Variants in MTERF4 observed in about 807,000 individuals in gnomAD.
MTERF4 encodes the protein transcription termination factor 4, mitochondrial.
Under a neutral mutation model 22.5 loss-of-function variants are expected in MTERF4, and 17 were observed. The ratio of observed to expected loss-of-function variants is 0.75; its 90% confidence interval spans 0.52 to 1.13. The LOEUF is 1.13. Among genes scored for constraint, MTERF4 ranks in the 50% most tolerant of loss-of-function variants. MTERF4 has a pLI of 0.00. For synonymous variants in MTERF4, 165 were observed against 175.3 expected (o/e 0.94, Z 0.47); for missense variants, 420 against 466.8 (o/e 0.90, Z 0.92).
intron 4 of MTERF4, chr2:241,081,645 A>G: frequency 6.6e-7 from 1 of 1,506,788 alleles, no homozygotes; most frequent in Non-Finnish European, 9.1e-7. Context: ...CTGGGGTTCC[A>G]GTGACTAACC....
the MTERF4 span, chr2:241,052,081 C>T: frequency 1.1e-5 from 18 of 1,613,884 alleles, no homozygotes; most frequent in South Asian, 4.4e-5. Context: ...GTCACAACGG[C>T]GGCACCTGCT....
chr2:241,043,407 G>A, the MTERF4 span, among the ~76,000 whole-genome samples: 3 of 152,070 alleles, frequency 2.0e-5, no homozygotes, highest in African/African-American at 7.2e-5. Flanking sequence ...TGTATTACCA[G>A]CAAAACTACA....
At chr2:241,065,250 G>A in the MTERF4 span, 1 of 1,599,210 alleles carries the variant, frequency 6.3e-7, no homozygotes. Context: ...GGCATGCATA[G>A]CTAACGGCTG....
At chr2:241,048,406 C>T in the MTERF4 span, 3 of 1,610,992 alleles carry the variant, frequency 1.9e-6, no homozygotes, top group Non-Finnish European at 2.5e-6. Flanking sequence ...TGTGCGAGTG[C>T]CCCGAAGGCT....
chr2:241,052,778 CTGGTGT>C, the MTERF4 span, among the ~76,000 whole-genome samples: 1 of 123,262 alleles, frequency 8.1e-6, no homozygotes, highest in Non-Finnish European at 1.6e-5. Context: ...ACATGGGATG[CTGGTGT>C]CAGGCAGGTA....
At chr2:241,071,714 C>T (rs534077572), downstream of MTERF4, 2 of 1,501,046 alleles carry the variant, frequency 1.3e-6, no homozygotes, top group African/African-American at 2.8e-5. Context: ...CCCACCCAGC[C>T]CCCCAGGTAC....
the MTERF4 span, among the ~76,000 whole-genome samples, chr2:241,056,681 C>T: frequency 1.1e-4 from 17 of 149,162 alleles, no homozygotes; most frequent in East Asian, 4.0e-4. Context: ...CCTGGGTTCA[C>T]GCCATTCTCC....
chr2:241,090,156 G>C (rs2063835388), downstream of MTERF4: 8 of 1,462,238 alleles, frequency 5.5e-6, no homozygotes, highest in Admixed American at 5.2e-5. Flanking sequence ...ACACTGTACG[G>C]ATGTTCAAAA....
Position 241,099,769 on chromosome 2 carries a change from T to C in MTERF4, c.147A>G (p.Gly49=). 3.1e-6 allele frequency: 5 copies of C among 1,614,150 alleles called. No individual in the cohort carries two copies. The highest frequency in any genetic ancestry group is 4.2e-6 in the Non-Finnish European group (5 of 1,180,028). The part of the protein sequence containing the change: ...LLRKLTTASN[G]GVIEELSCVR... ...CACAAGATAACTCCTCAATGACCCC[T>C]CCATTGGAGGCTGTAGTCAGTTTGC... Residue 49 remains glycine, a synonymous_variant, in exon 2 of 4, where the codon GGA becomes GGG. Coordinates refer to ENST00000391980, the MANE Select transcript of MTERF4 (RefSeq NM_182501.4).
chr2:241,061,097 A>G, the MTERF4 span, among the ~76,000 whole-genome samples: 2 of 152,208 alleles, frequency 1.3e-5, no homozygotes, highest in African/African-American at 4.8e-5. Context: ...CATAAACCTT[A>G]AGAAAGTGAA....
At chr2:241,064,662 G>A in the MTERF4 span, among the ~76,000 whole-genome samples, 7 of 152,184 alleles carry the variant, frequency 4.6e-5, no homozygotes, top group South Asian at 1.4e-3. This position sits in a 1 kb window ranked among gnomAD's most constrained non-coding sequence, Gnocchi z 7.0. Flanking sequence ...TGGAGGAGCT[G>A]CTGGGTTGGG....
chr2:241,044,081 A>G, the MTERF4 span, among the ~76,000 whole-genome samples: 1 of 152,206 alleles, frequency 6.6e-6, no homozygotes, highest in African/African-American at 2.4e-5. Context: ...CTAATAAACC[A>G]ATTGTGGAGA....
downstream of MTERF4, chr2:241,071,410 C>T (rs2062708227): frequency 1.4e-6 from 1 of 727,454 alleles, no homozygotes; most frequent in South Asian, 1.8e-5. Context: ...GAACCCAGGG[C>T]ATCTGGGGAA....
the MTERF4 span, among the ~76,000 whole-genome samples, chr2:241,050,606 T>G: frequency 6.6e-6 from 1 of 152,214 alleles, no homozygotes. Flanking sequence ...CCCTGAAGTC[T>G]GAGCCCTGGA....
downstream of MTERF4, among the ~76,000 whole-genome samples, chr2:241,084,946 T>C (rs1438309263): frequency 6.6e-6 from 1 of 152,236 alleles, no homozygotes; most frequent in Non-Finnish European, 1.5e-5. Context: ...AAAGTTGTCA[T>C]GGCTTTGTCT....
At chr2:241,045,553 A>G in the MTERF4 span, among the ~76,000 whole-genome samples, 5 of 151,958 alleles carry the variant, frequency 3.3e-5, no homozygotes, top group African/African-American at 1.2e-4. Context: ...AGAAATGATA[A>G]TCTTTTCAAC....
chr2:241,081,719 G>C (rs1231086451), intron 4 of MTERF4: 2 of 1,609,622 alleles, frequency 1.2e-6, no homozygotes, highest in African/African-American at 1.3e-5. Context: ...CAGAACGGAG[G>C]CACTTGTGTG....
At chr2:241,056,496 AAGACAGGACAAC>A in the MTERF4 span, among the ~76,000 whole-genome samples, 1 of 152,170 alleles carries the variant, frequency 6.6e-6, no homozygotes, top group Non-Finnish European at 1.5e-5. Flanking sequence ...ATAGAACTCA[AAGACAGGACAAC>A]AAAATTATCT....
chr2:241,098,349 G>A (rs182219074), intron 2 of MTERF4, among the ~76,000 whole-genome samples: 63 of 152,316 alleles, frequency 4.1e-4, no homozygotes, highest in Non-Finnish European at 1.6e-4. Flanking sequence ...GAGGCCTGTA[G>A]AGATGCTGTG....
Sources: allele counts gnomAD v4.1 joint callset (sites outside exome capture counted in the v4.1 genomes callset), GRCh38; gene constraint gnomAD v4.1.1; non-coding constraint Gnocchi (gnomAD v3.1); transcripts MANE v1.5; gene names NCBI Gene and HGNC (gene_info 2026-07-23, HGNC 2026-07-21).